The following SAFB2 variants were observed in gnomAD, a reference collection of about 807,000 sequenced individuals.
SAFB2 encodes scaffold attachment factor B2.
Under a neutral mutation model 100.6 loss-of-function variants are expected in SAFB2, and 32 were observed. The observed-to-expected ratio is 0.32, with a 90% CI of 0.24 to 0.43. SAFB2 has a LOEUF of 0.43. Ranked by LOEUF, SAFB2 falls within the 20% of genes least tolerant of loss-of-function variation. SAFB2 has a pLI of 1.00. For missense variants in SAFB2, 1,185 were observed against 1,163.4 expected (o/e 1.02, Z -0.27); for synonymous variants, 500 against 439.4 (o/e 1.14, Z -1.72).
chr19:5,616,035 T>C (rs2053021089), intron 4 of SAFB2, 97 bp downstream of exon 4: 2 of 1,089,756 alleles, frequency 1.8e-6, no homozygotes, highest in Non-Finnish European at 2.7e-6. Context: ...TGTGTGTTCA[T>C]GGCGGTTTAG....
intron 15 of SAFB2, 83 bp from the exon 16 acceptor site, chr19:5,592,970 G>T: frequency 7.4e-7 from 1 of 1,352,866 alleles, no homozygotes; most frequent in Non-Finnish European, 1.0e-6. Flanking sequence ...GGTGGGGAGG[G>T]GAGCTCTCTC....
At chr19:5,611,892 A>G (rs1023640818) in intron 6 of SAFB2, 3 of 601,876 alleles carry the variant, frequency 5.0e-6, no homozygotes, top group African/African-American at 1.9e-5. Flanking sequence ...CTGGTTCTCA[A>G]TAGTCTTCTT....
At chr19:5,592,515 GAA>G (rs1236814507) in intron 16 of SAFB2, among the ~76,000 whole-genome samples, 2 of 152,184 alleles carry the variant, frequency 1.3e-5, no homozygotes, top group Non-Finnish European at 2.9e-5. Flanking sequence ...GCCCACCTAT[GAA>G]AAGAGTCGGT....
intron 13 of SAFB2, 40 bp from the exon 14 acceptor site, chr19:5,595,537 T>C (rs763751074): frequency 1.1e-5 from 17 of 1,607,902 alleles, no homozygotes; most frequent in South Asian, 5.5e-5. Context: ...AGGAAAATGA[T>C]TGCAACAAAC....
At chr19:5,592,698 C>T (rs753514453) in intron 16 of SAFB2, 49 bp downstream of exon 16, 1 of 1,607,970 alleles carries the variant, frequency 6.2e-7, no homozygotes, top group Middle Eastern at 2.0e-4. Context: ...AGCTGGATGC[C>T]CCGGTGCCCA....
At position 5,590,349 on chromosome 19, in the gene SAFB2, G is replaced by A; in HGVS notation, c.2454C>T (p.Ser818=). 2 of 1,611,430 alleles carry A rather than the reference G, an allele frequency of 1.2e-6. No individual in the cohort carries two copies. The highest frequency in any genetic ancestry group is 1.7e-6 in the Non-Finnish European group (2 of 1,179,242). The change falls in exon 18 of 21, where the codon TCC becomes TCT. Residue 818 remains serine, a synonymous_variant. Coordinates refer to ENST00000252542, the MANE Select transcript of SAFB2 (RefSeq NM_014649.3). ...AGCCGTAGCCCCCCCAGCCATCACGGGAGTCCCGGCCGTGGCGCTCTGGGG... is the reference window on the plus strand; with the variant it reads ...AGCCGTAGCCCCCCCAGCCATCACGAGAGTCCCGGCCGTGGCGCTCTGGGG... ...GGPPERHGRD[S]RDGWGGYGSD...
chr19:5,606,083 C>A (rs1277767342), intron 9 of SAFB2, among the ~76,000 whole-genome samples: 1 of 152,150 alleles, frequency 6.6e-6, no homozygotes, highest in African/African-American at 2.4e-5. Context: ...GCACTCAGGG[C>A]CACAAATGGT....
rs2052906096 is a variant in SAFB2, at chr19:5,611,377, G to A, written c.888C>T (p.Pro296=). 2 of 351,840 alleles carry A rather than the reference G, an allele frequency of 5.7e-6. No individual in the cohort carries two copies. Among genetic ancestry groups the A allele is most frequent in the South Asian group, 2.4e-5 (1 of 41,616 alleles). The allele number at this position is 351,840 out of a possible 1,614,324, so 21.8% of individuals were successfully genotyped here. The stretch of plus-strand genomic sequence containing the variant: ...TCTCGCCATCGCCTGGCTGCTCCGC[G>A]GGCTCCCTTTTCACTACCGCTAACA... The part of the protein sequence containing the change: ...DSLLAVVKRE[P]AEQPGDGERT... Residue 296 remains proline (P), a synonymous_variant, in exon 7 of 21, where the codon CCC becomes CCT. Coordinates refer to ENST00000252542, the MANE Select transcript of SAFB2 (RefSeq NM_014649.3).
intron 2 of SAFB2, 112 bp from the exon 3 acceptor site, chr19:5,616,598 A>C (rs955759811): frequency 1.9e-5 from 17 of 889,802 alleles, no homozygotes; most frequent in Non-Finnish European, 3.1e-5. Context: ...ATAAACTATA[A>C]GTCTCCCCTC....
At chr19:5,607,520 T>G (rs965080470) in intron 9 of SAFB2, among the ~76,000 whole-genome samples, 9 of 151,888 alleles carry the variant, frequency 5.9e-5, no homozygotes, top group African/African-American at 2.2e-4. Flanking sequence ...AATCCTACAG[T>G]AAACCACAAT....
At position 5,587,762 on chromosome 19, in the gene SAFB2, C is replaced by G; in HGVS notation, c.2644G>C (p.Glu882Gln). Reference sequence around the variant, plus strand: ...CCCGAGGGCCCAGACAGGCCCCTCTCGCCACCTAGAAGAGAAGAAGGGTCT... The same window carrying G: ...CCCGAGGGCCCAGACAGGCCCCTCTGGCCACCTAGAAGAGAAGAAGGGTCT... ...SREHARWQGGERGLSGPSGPG... is the reference protein window; with the variant it reads ...SREHARWQGGQRGLSGPSGPG... Residue 882 changes from glutamate (E) to glutamine (Q), a missense_variant, in exon 20 of 21, where the codon GAG becomes CAG. Transcript: ENST00000252542. The surrounding 1 kb of genome is among the most constrained non-coding windows in gnomAD (Gnocchi z 4.9). The G allele has an allele frequency of 3.2e-6, 5 of 1,552,522 alleles. No homozygotes were observed. Among genetic ancestry groups the G allele is most frequent in the Non-Finnish European group, 4.4e-6 (5 of 1,147,616 alleles).
intron 1 of SAFB2, 75 bp from the exon 2 acceptor site, chr19:5,621,471 T>A: frequency 1.0e-6 from 1 of 981,084 alleles, no homozygotes; most frequent in South Asian, 1.3e-5. Context: ...AGTAACAACC[T>A]CCCATGAAAC....
chr19:5,608,956 G>A (rs745980245), intron 9 of SAFB2, among the ~76,000 whole-genome samples: 7 of 148,034 alleles, frequency 4.7e-5, no homozygotes, highest in Non-Finnish European at 7.4e-5. Context: ...GCTAAGGCAC[G>A]AGAATCACTT....
Position 5,593,943 on chromosome 19 carries a change from G to T in SAFB2, c.2155C>A (p.Leu719Met). 4 of 1,554,244 alleles carry T rather than the reference G, an allele frequency of 2.6e-6. 1 individual carries two copies. Among genetic ancestry groups the T allele is most frequent in the Non-Finnish European group, 3.5e-6 (4 of 1,159,132 alleles). The change falls in exon 15 of 21, where the codon CTG becomes ATG. Residue 719 changes from leucine (L) to methionine (M), a missense_variant. By Grantham distance (15) the Leu-to-Met change is conservative. Around this residue, in one of 3 missense-constraint regions of SAFB2, gnomAD observed 740 missense variants for 687.1 expected, o/e 1.08. Transcript: ENST00000252542. ...GGCCGCCGCTCCTGCTCGTAACGCA[G>T]CTGCTCCTGCTGGCGCCGCAGCTCC... ...REELRRQQEQ[L>M]RYEQERRPGR...
intron 1 of SAFB2, among the ~76,000 whole-genome samples, chr19:5,621,984 T>G (rs1353132059): frequency 6.6e-6 from 1 of 151,922 alleles, no homozygotes; most frequent in African/African-American, 2.4e-5. Flanking sequence ...GGCAAGGAGG[T>G]GGGGCAGCGC....
intron 17 of SAFB2, 189 bp downstream of exon 17, chr19:5,591,559 T>G: frequency 1.7e-6 from 1 of 574,982 alleles, no homozygotes. Context: ...ATTACAGGCA[T>G]GAGCCACCAC....
intron 11 of SAFB2, among the ~76,000 whole-genome samples, chr19:5,603,097 G>C (rs1322242069): frequency 6.6e-6 from 1 of 151,992 alleles, no homozygotes; most frequent in Non-Finnish European, 1.5e-5. Context: ...GCAAGACCCT[G>C]TCTCTATCAA....
intron 9 of SAFB2, among the ~76,000 whole-genome samples, chr19:5,609,293 CTTCA>C (rs1456076748): frequency 1.4e-5 from 2 of 147,244 alleles, no homozygotes; most frequent in South Asian, 2.2e-4. Flanking sequence ...CAATTATTCA[CTTCA>C]TTCTTTTTTT....
In SAFB2 at chr19:5,621,404, G is replaced by T; in HGVS notation, c.187-8C>A. 6.3e-7 allele frequency: 1 copy of T among 1,578,928 alleles called. No individual in the cohort carries two copies. On this transcript the variant is annotated splice_polypyrimidine_tract_variant and splice_region_variant and intron_variant, in intron 1 of 20. Transcript: ENST00000252542. ...CCCCTCTTCTTTAACCGCCTATTAG[G>T]GAGAGATGAGTTTTACAACATCATT...
Sources: allele counts gnomAD v4.1 joint callset (sites outside exome capture counted in the v4.1 genomes callset), GRCh38; gene constraint gnomAD v4.1.1; regional missense constraint gnomAD v4.1.1; non-coding constraint Gnocchi (gnomAD v3.1); transcripts MANE v1.5; gene names NCBI Gene and HGNC (gene_info 2026-07-23, HGNC 2026-07-21).